The following BLTP1 variants were observed in gnomAD, a reference collection of about 807,000 sequenced individuals.
The protein encoded by BLTP1 is bridge-like lipid transfer protein family member 1.
the BLTP1 span, among the ~76,000 whole-genome samples, chr4:122,168,104 C>T: frequency 6.6e-6 from 1 of 152,200 alleles, no homozygotes; most frequent in African/African-American, 2.4e-5. Context: ...TCTGTACTTG[C>T]TTAAAATATG....
chr4:122,243,012 G>A, the BLTP1 span: 1 of 1,604,116 alleles, frequency 6.2e-7, no homozygotes, highest in Non-Finnish European at 8.5e-7. Flanking sequence ...TCAAGCAGGG[G>A]CTCACAGCTA....
chr4:122,216,085 G>GTCTGTCTGTCTATCTATCTA, the BLTP1 span, among the ~76,000 whole-genome samples: 1 of 144,404 alleles, frequency 6.9e-6, no homozygotes, highest in African/African-American at 2.6e-5. Context: ...ATCTTTGTCT[G>GTCTGTCTGTCTATCTATCTA]TCTATCTATC....
the BLTP1 span, among the ~76,000 whole-genome samples, chr4:122,231,030 A>C: frequency 2.0e-5 from 3 of 152,188 alleles, no homozygotes; most frequent in Non-Finnish European, 4.4e-5. Flanking sequence ...ATTACCAAAA[A>C]GACAAAACAT....
chr4:122,318,316 C>A, the BLTP1 span: 1 of 1,507,992 alleles, frequency 6.6e-7, no homozygotes. Context: ...AACCACCTGA[C>A]TTTTTCCTAT....
At chr4:122,177,017 A>G in the BLTP1 span, among the ~76,000 whole-genome samples, 1 of 152,148 alleles carries the variant, frequency 6.6e-6, no homozygotes, top group Admixed American at 6.5e-5. Flanking sequence ...CTAGCGTTAA[A>G]CCTTTCCTCA....
At chr4:122,332,305 CTT>C in the BLTP1 span, among the ~76,000 whole-genome samples, 6 of 151,836 alleles carry the variant, frequency 4.0e-5, no homozygotes, top group East Asian at 1.2e-3. Context: ...GTTAAAATGT[CTT>C]ACAAATGTAG....
the BLTP1 span, among the ~76,000 whole-genome samples, chr4:122,309,617 C>T: frequency 6.6e-6 from 1 of 152,048 alleles, no homozygotes; most frequent in South Asian, 2.1e-4. Context: ...AAACCATATT[C>T]GTGAAAAACT....
At chr4:122,325,443 T>C in the BLTP1 span, 1 of 1,394,820 alleles carries the variant, frequency 7.2e-7, no homozygotes, top group Non-Finnish European at 9.4e-7. Context: ...TGGATTGTGA[T>C]GACTGAACTG....
At chr4:122,350,627 A>G in the BLTP1 span, among the ~76,000 whole-genome samples, 1 of 152,214 alleles carries the variant, frequency 6.6e-6, no homozygotes, top group South Asian at 2.1e-4. Context: ...CAAAAGAACA[A>G]AACGGGAAGA....
the BLTP1 span, chr4:122,169,820 A>G: frequency 2.0e-6 from 2 of 985,152 alleles, no homozygotes; most frequent in Non-Finnish European, 2.4e-6. Context: ...TACTGTTCAG[A>G]CTACCTAGAG....
At chr4:122,170,631 C>A in the BLTP1 span, 1 of 1,541,944 alleles carries the variant, frequency 6.5e-7, no homozygotes, top group South Asian at 1.3e-5. Flanking sequence ...AGATGTTGTT[C>A]TGGAAAAACT....
the BLTP1 span, chr4:122,171,705 G>T: frequency 4.6e-6 from 2 of 432,884 alleles, no homozygotes; most frequent in Admixed American, 1.3e-4. Context: ...AAGGATGTGG[G>T]TAGGAATATA....
the BLTP1 span, chr4:122,347,394 G>A: frequency 7.4e-7 from 1 of 1,344,070 alleles, no homozygotes; most frequent in South Asian, 1.5e-5. Context: ...CTGTACAGCT[G>A]CTAAATAGAG....
At chr4:122,268,256 A>G in the BLTP1 span, among the ~76,000 whole-genome samples, 4 of 152,266 alleles carry the variant, frequency 2.6e-5, no homozygotes, top group African/African-American at 9.6e-5. Context: ...GAATTAGACT[A>G]TTTTATTTCT....
chr4:122,347,626 T>C, the BLTP1 span: 1 of 1,613,860 alleles, frequency 6.2e-7, no homozygotes. Context: ...GCCAAGTCAG[T>C]CAGCCTCCTT....
At chr4:122,317,991 G>A in the BLTP1 span, 1 of 287,958 alleles carries the variant, frequency 3.5e-6, no homozygotes, top group Non-Finnish European at 5.2e-6. Context: ...TTTCTTAACA[G>A]TTCGCCAAAT....
chr4:122,302,678 A>G, the BLTP1 span, among the ~76,000 whole-genome samples: 3 of 152,212 alleles, frequency 2.0e-5, no homozygotes, highest in African/African-American at 7.2e-5. Context: ...CAGTTAGCCA[A>G]GTTGTGAATG....
chr4:122,252,303 T>C, the BLTP1 span, among the ~76,000 whole-genome samples: 1 of 152,198 alleles, frequency 6.6e-6, no homozygotes, highest in Non-Finnish European at 1.5e-5. Context: ...TCTTGCACCT[T>C]AGATGCCAGC....
the BLTP1 span, chr4:122,153,134 C>T: frequency 1.4e-5 from 7 of 495,684 alleles, no homozygotes; most frequent in African/African-American, 2.2e-5. Context: ...GTTGATTTTT[C>T]TTCCGGAGAG....
Sources: gnomAD v4.1 joint callset for allele counts (sites outside exome capture counted in the v4.1 genomes callset) on GRCh38, gnomAD v4.1.1 for gene constraint, MANE v1.5 for transcripts, NCBI Gene and HGNC (gene_info 2026-07-23, HGNC 2026-07-21) for gene names.